The following BTBD9 variants were observed in gnomAD, a reference collection of about 807,000 sequenced individuals.
BTBD9 encodes the protein BTB domain containing 9.
Under a neutral mutation model 64.3 loss-of-function variants are expected in BTBD9, and 49 were observed. The observed-to-expected ratio is 0.76, with a 90% CI of 0.61 to 0.97. The LOEUF (loss-of-function observed/expected upper bound fraction) is 0.97, where lower values mean the gene tolerates loss of function less well. BTBD9 is among the 50% of genes least tolerant of loss of function. BTBD9 has a pLI of 0.00. For missense variants in BTBD9, 598 were observed against 762.1 expected (o/e 0.78, Z 2.53); for synonymous variants, 260 against 274.7 (o/e 0.95, Z 0.53).
intron 10 of BTBD9, among the ~76,000 whole-genome samples, chr6:38,178,740 AG>A (rs1380371100): frequency 6.6e-5 from 1 of 15,200 alleles, no homozygotes; most frequent in African/African-American, 2.7e-4. Flanking sequence ...TGGGAGCAGC[AG>A]GGTGTGGGGG....
intron 7 of BTBD9, among the ~76,000 whole-genome samples, chr6:38,306,559 G>A (rs1159879297): frequency 2.0e-5 from 3 of 152,170 alleles, no homozygotes; most frequent in African/African-American, 7.2e-5. Flanking sequence ...CAGACTGCAG[G>A]GAACTGCAGA....
chr6:38,561,285 T>C (rs1370294372), intron 6 of BTBD9, among the ~76,000 whole-genome samples: 2 of 152,076 alleles, frequency 1.3e-5, no homozygotes, highest in Non-Finnish European at 2.9e-5. Flanking sequence ...AGAATGGCTA[T>C]TATTAAAAAA....
rs369502025 is a variant in BTBD9 at position 38,464,087 on chromosome 6, G to C, written c.1154+113513C>G. Among the ~76,000 whole-genome samples the C allele has an allele frequency of 5.9e-5, 9 of 152,230 alleles. 1 individual carries two copies. In the East Asian group the frequency reaches 9.6e-4, roughly 16 times the overall value. ...GTTAGGGTAGGCTCTAATCTGAGAA[G>C]TGTCCTTATAAGAAGTGATTATGAC... On this transcript the variant is annotated intron_variant, in intron 6 of 10. Coordinates refer to ENST00000481247, the MANE Select transcript of BTBD9 (RefSeq NM_001099272.2).
chr6:38,515,462 AG>A (rs1469662938), intron 6 of BTBD9, among the ~76,000 whole-genome samples: 1 of 152,246 alleles, frequency 6.6e-6, no homozygotes, highest in African/African-American at 2.4e-5. Context: ...TTTAAAAGCC[AG>A]TAAACTAACA....
chr6:38,628,088 G>A (rs898183786), intron 1 of BTBD9, among the ~76,000 whole-genome samples: 1 of 152,186 alleles, frequency 6.6e-6, no homozygotes, highest in Admixed American at 6.5e-5. Context: ...CTATCTGGGA[G>A]TGGGTAGGAA....
intron 6 of BTBD9, among the ~76,000 whole-genome samples, chr6:38,391,290 T>C (rs920241659): frequency 2.6e-5 from 4 of 152,212 alleles, no homozygotes; most frequent in African/African-American, 4.8e-5. Context: ...CATCTGTTAA[T>C]AGAATGATGA....
intron 6 of BTBD9, among the ~76,000 whole-genome samples, chr6:38,492,559 CA>C (rs1771749792): frequency 6.6e-6 from 1 of 152,160 alleles, no homozygotes; most frequent in South Asian, 2.1e-4. Context: ...TCATGAATTT[CA>C]TAAACTCATC....
rs962669518 is a variant in BTBD9, at chr6:38,322,098, CA to C, written c.1264+22885del. ...TCCCACCAAACGAGAAGGAAGAAAG[CA>C]CATTAAGACTTCCTTGTTTAGGATC... is the stretch of plus-strand genomic sequence containing the variant. On this transcript the variant is annotated intron_variant, in intron 7 of 10. Coordinates refer to ENST00000481247, the MANE Select transcript of BTBD9 (RefSeq NM_001099272.2). Among the ~76,000 whole-genome samples the C allele has an allele frequency of 5.3e-5, 8 of 152,116 alleles. No individual in the cohort carries two copies. In the South Asian group the frequency reaches 1.0e-3, roughly 20 times the overall value.
chr6:38,365,176 T>C (rs1259256065), intron 6 of BTBD9, among the ~76,000 whole-genome samples: 1 of 152,198 alleles, frequency 6.6e-6, no homozygotes, highest in Non-Finnish European at 1.5e-5. Context: ...GCTAAGCACC[T>C]TACCTGTTTT....
chr6:38,376,023 T>A (rs759429510), intron 6 of BTBD9, among the ~76,000 whole-genome samples: 1 of 152,164 alleles, frequency 6.6e-6, no homozygotes, highest in Non-Finnish European at 1.5e-5. Context: ...GTCTTATATG[T>A]CATGTTCAAT....
At chr6:38,425,771 G>C (rs1346507701) in intron 6 of BTBD9, among the ~76,000 whole-genome samples, 6 of 151,060 alleles carry the variant, frequency 4.0e-5, no homozygotes, top group Non-Finnish European at 8.8e-5. Flanking sequence ...AAAAAAATTA[G>C]CAGGGCTTGG....
At chr6:38,190,481 A>AG (rs2127483842) in intron 10 of BTBD9, among the ~76,000 whole-genome samples, 1 of 151,656 alleles carries the variant, frequency 6.6e-6, no homozygotes, top group East Asian at 1.9e-4. Flanking sequence ...AAAAAAAAAA[A>AG]AAAAAAAAAG....
chr6:38,392,010 T>A (rs2127623383), intron 6 of BTBD9, among the ~76,000 whole-genome samples: 1 of 152,248 alleles, frequency 6.6e-6, no homozygotes, highest in East Asian at 1.9e-4. Context: ...CAGACAGATG[T>A]CTCTTTGGAT....
intron 4 of BTBD9, among the ~76,000 whole-genome samples, chr6:38,586,812 C>T (rs1186274770): frequency 6.6e-6 from 1 of 152,102 alleles, no homozygotes; most frequent in Non-Finnish European, 1.5e-5. Flanking sequence ...CCTGTAATCC[C>T]AACACTTTGG....
chr6:38,570,806 C>T (rs149522855), intron 6 of BTBD9, among the ~76,000 whole-genome samples: 212 of 152,280 alleles, frequency 1.4e-3, no homozygotes, highest in African/African-American at 4.8e-3. Flanking sequence ...ATAATTAACG[C>T]TCCACATCAG....
At chr6:38,206,281 T>C (rs1177698586) in intron 9 of BTBD9, among the ~76,000 whole-genome samples, 1 of 151,682 alleles carries the variant, frequency 6.6e-6, no homozygotes, top group Non-Finnish European at 1.5e-5. Flanking sequence ...AGTGGCATGA[T>C]TTTGGCTCAC....
At chr6:38,297,023 T>A (rs894716817) in intron 7 of BTBD9, among the ~76,000 whole-genome samples, 2 of 152,176 alleles carry the variant, frequency 1.3e-5, no homozygotes, top group Non-Finnish European at 2.9e-5. Context: ...AAATTGCCAA[T>A]TGTATTATTC....
At chr6:38,431,554 T>A (rs1267449820) in intron 6 of BTBD9, among the ~76,000 whole-genome samples, 1 of 152,120 alleles carries the variant, frequency 6.6e-6, no homozygotes, top group Non-Finnish European at 1.5e-5. Flanking sequence ...AACCTGCTCC[T>A]CCCCATTGTC....
chr6:38,539,299 G>C (rs1562314004), intron 6 of BTBD9, among the ~76,000 whole-genome samples: 1 of 152,074 alleles, frequency 6.6e-6, no homozygotes, highest in African/African-American at 2.4e-5. Context: ...ATTAATTAAT[G>C]ACTGTATCTT....
Sources: gnomAD v4.1 joint callset for allele counts (sites outside exome capture counted in the v4.1 genomes callset) on GRCh38, gnomAD v4.1.1 for gene constraint, MANE v1.5 for transcripts, NCBI Gene and HGNC (gene_info 2026-07-23, HGNC 2026-07-21) for gene names.